ADAP2: variants seen among roughly 807,000 people sequenced by gnomAD.
ADAP2 encodes arf-GAP with dual PH domain-containing protein 2.
ADAP2 carries 42 observed loss-of-function variants against 54.9 expected under a neutral mutation model. The ratio of observed to expected loss-of-function variants is 0.77; its 90% CI spans 0.60 to 0.99. The LOEUF (loss-of-function observed/expected upper bound fraction) is 0.99, where lower values mean the gene tolerates loss of function less well. Ranked by LOEUF, ADAP2 falls within the 50% of genes least tolerant of loss-of-function variation. The pLI is 0.00. For synonymous variants in ADAP2, 177 were observed against 180.1 expected, an observed-to-expected ratio of 0.98 and a Z score of 0.14; for missense variants, 429 against 480.4, an observed-to-expected ratio of 0.89 and a Z score of 1.00.
At chr17:30,957,543 T>A (rs1283371903) in intron 10 of ADAP2, among the ~76,000 whole-genome samples, 1 of 152,140 alleles carries the variant, frequency 6.6e-6, no homozygotes. Context: ...TCCTCTCACC[T>A]CAGCCTCCCA....
chr17:30,954,275 G>A (rs1904893779), intron 8 of ADAP2: 2 of 535,482 alleles, frequency 3.7e-6, no homozygotes, highest in Non-Finnish European at 6.8e-6. Flanking sequence ...TGGTGGGGTT[G>A]GAAGGGGAAT....
intron 5 of ADAP2, among the ~76,000 whole-genome samples, chr17:30,940,518 T>C (rs1912197374): frequency 6.6e-6 from 1 of 152,122 alleles, no homozygotes; most frequent in Non-Finnish European, 1.5e-5. Flanking sequence ...TTGGCCAGGC[T>C]GGTCTCGAAC....
Position 30,949,283 on chromosome 17 carries a change from G to A in ADAP2, c.658-4G>A, listed in dbSNP as rs535391181. The A allele has an allele frequency of 3.0e-5, 48 of 1,612,346 alleles. No homozygotes were observed. Among genetic ancestry groups the A allele is most frequent in the Admixed American group, 3.3e-5 (2 of 59,960 alleles). On this transcript the variant is annotated splice_region_variant and splice_polypyrimidine_tract_variant and intron_variant, in intron 6 of 10. Coordinates refer to ENST00000330889, the MANE Select transcript of ADAP2 (RefSeq NM_018404.3). ...GTGTGTGTCCTGTGCACTTCTCTCCGCAGGAGATAGTGGACTGGTTCAATG... is the reference window on the plus strand; with the variant it reads ...GTGTGTGTCCTGTGCACTTCTCTCCACAGGAGATAGTGGACTGGTTCAATG...
intron 10 of ADAP2, chr17:30,956,954 C>G (rs1270443334): frequency 6.2e-6 from 1 of 162,452 alleles, no homozygotes; most frequent in African/African-American, 2.4e-5. Flanking sequence ...CTGCCTCTCT[C>G]CTGTTCCTCC....
At chr17:30,922,863 C>T in intron 1 of ADAP2, 77 bp from the exon 2 acceptor site, 1 of 1,528,460 alleles carries the variant, frequency 6.5e-7, no homozygotes, top group East Asian at 2.3e-5. Context: ...GCCCCACCTG[C>T]CCCAGTGCCC....
At chr17:30,955,724 A>C (rs1905021836) in intron 9 of ADAP2, among the ~76,000 whole-genome samples, 1 of 150,916 alleles carries the variant, frequency 6.6e-6, no homozygotes, top group Non-Finnish European at 1.5e-5. Flanking sequence ...GAAAGAAAAA[A>C]AAAGAAACTT....
intron 9 of ADAP2, among the ~76,000 whole-genome samples, chr17:30,955,632 G>A (rs532504748): frequency 3.3e-5 from 5 of 151,952 alleles, no homozygotes; most frequent in South Asian, 4.2e-4. Context: ...GCTTGAAACC[G>A]GGAGGCAGAG....
chr17:30,922,164 C>T, intron 1 of ADAP2, 56 bp downstream of exon 1: 5 of 1,164,286 alleles, frequency 4.3e-6, no homozygotes, highest in Non-Finnish European at 5.4e-6. Flanking sequence ...CCAGGCCCAC[C>T]CGACTCCTCC....
intron 2 of ADAP2, among the ~76,000 whole-genome samples, chr17:30,926,368 A>C (rs1305068542): frequency 6.6e-6 from 1 of 152,040 alleles, no homozygotes; most frequent in Admixed American, 6.6e-5. Flanking sequence ...CACTTCTTCC[A>C]TCCTCCAGGT....
intron 3 of ADAP2, among the ~76,000 whole-genome samples, chr17:30,927,898 C>T (rs1175337308): frequency 2.0e-5 from 3 of 151,878 alleles, no homozygotes; most frequent in Non-Finnish European, 2.9e-5. Flanking sequence ...CATAGTAGCA[C>T]GTGCCTGTAG....
intron 7 of ADAP2, among the ~76,000 whole-genome samples, chr17:30,952,468 C>T (rs957021748): frequency 2.0e-5 from 3 of 152,126 alleles, no homozygotes; most frequent in African/African-American, 7.2e-5. Context: ...CTCTGCCTCC[C>T]AAGTTCAAGG....
chr17:30,922,067 CG>C lies in ADAP2; in HGVS notation c.55del (p.Asp19ThrfsTer59). The C allele has an allele frequency of 7.9e-7, 1 of 1,270,770 alleles. No homozygotes were observed. The highest frequency in any genetic ancestry group is 9.9e-7 in the Non-Finnish European group (1 of 1,012,950). The allele number at this position is 1,270,770 out of a possible 1,614,324, so 78.7% of individuals were successfully genotyped here. On this transcript the variant is annotated frameshift_variant, in exon 1 of 11. Transcript: ENST00000330889. LOFTEE classifies it high-confidence loss of function. ...CGGCTGCTGGAGCTGCTGCGGGCGC[CG>C]GACACAGGCAACGCGCACTGCGCCG... Reference protein sequence around the residue: ...KKRLLELLRAPDTGNAHCADC... With the variant: ...KKRLLELLRAXDTGNAHCADC...
intron 2 of ADAP2, among the ~76,000 whole-genome samples, chr17:30,923,560 CG>C (rs943953728): frequency 5.5e-4 from 83 of 151,600 alleles, no homozygotes; most frequent in African/African-American, 1.8e-3. Context: ...CATCCTGAAC[CG>C]CTCCTGGCCA....
At chr17:30,940,770 T>C (rs1320225143) in intron 5 of ADAP2, among the ~76,000 whole-genome samples, 1 of 152,228 alleles carries the variant, frequency 6.6e-6, no homozygotes, top group Non-Finnish European at 1.5e-5. Flanking sequence ...AAGGACTCTC[T>C]GGTGAAGTTT....
chr17:30,947,342 C>T (rs538990470), intron 6 of ADAP2, among the ~76,000 whole-genome samples: 4 of 152,200 alleles, frequency 2.6e-5, no homozygotes, highest in African/African-American at 9.6e-5. Flanking sequence ...GCCCCATTCC[C>T]TTAGTGTCTG....
chr17:30,932,580 CT>C lies in ADAP2; in HGVS notation c.397+626del, dbSNP rs544534572. ...GACTCTTTTTCTTTTTCTTCTTCTT[CT>C]TTTTTTTTTTTTTGAGACAGAGTCT... On this transcript the variant is annotated intron_variant, in intron 4 of 10. Transcript: ENST00000330889. Among the ~76,000 whole-genome samples, 1,104 of 136,988 alleles carry C rather than the reference CT, an allele frequency of 8.1e-3. 8 individuals carry two copies. Among genetic ancestry groups the C allele is most frequent in the African/African-American group, 0.02 (762 of 37,382 alleles). The allele number at this position is 136,988 out of a possible 152,430, so 89.9% of individuals were successfully genotyped here. A position where few individuals can be genotyped will look rare whatever the true frequency, so the allele number is the denominator to read the frequency against.
chr17:30,946,211 T>C (rs1912666783), intron 6 of ADAP2, among the ~76,000 whole-genome samples: 1 of 151,978 alleles, frequency 6.6e-6, no homozygotes, highest in Admixed American at 6.6e-5. Context: ...GTGAGTCTTG[T>C]GCACATTAAA....
intron 4 of ADAP2, 140 bp downstream of exon 4, chr17:30,932,108 C>G: frequency 1.4e-6 from 1 of 697,416 alleles, no homozygotes; most frequent in Non-Finnish European, 2.4e-6. Flanking sequence ...GGTGTGGGTT[C>G]TTCTGACTTT....
intron 3 of ADAP2, among the ~76,000 whole-genome samples, chr17:30,927,483 G>A (rs1911145103): frequency 6.6e-6 from 1 of 151,972 alleles, no homozygotes; most frequent in South Asian, 2.1e-4. Context: ...GGGCGTGGTG[G>A]CGGGCACTGG....
Sources: gnomAD v4.1 joint callset for allele counts (sites outside exome capture counted in the v4.1 genomes callset) on GRCh38, gnomAD v4.1.1 for gene constraint, MANE v1.5 for transcripts, NCBI Gene and HGNC (gene_info 2026-07-23, HGNC 2026-07-21) for gene names.